COL4A2: variants seen among roughly 807,000 people sequenced by gnomAD.
The protein encoded by COL4A2 is collagen alpha-2(IV) chain.
In COL4A2, 99 loss-of-function variants were observed where a neutral mutation model predicts 200.2. That is an observed-to-expected ratio of 0.49 (90% confidence interval 0.42 to 0.58). The LOEUF (loss-of-function observed/expected upper bound fraction) is 0.58. COL4A2 is among the 20% of genes least tolerant of loss of function. The pLI is 0.00. For synonymous variants in COL4A2, 897 were observed against 900.6 expected (o/e 1.00, Z 0.07); for missense variants, 1,950 against 2,314.1 (o/e 0.84, Z 3.23).
intron 43 of COL4A2, 105 bp downstream of exon 43, chr13:110,503,586 C>A: frequency 1.3e-6 from 1 of 759,764 alleles, no homozygotes; most frequent in South Asian, 1.8e-5. Flanking sequence ...TGGCATGGGT[C>A]ACATGTTGTA....
intron 4 of COL4A2, among the ~76,000 whole-genome samples, chr13:110,397,035 C>T (rs1311271252): frequency 2.6e-5 from 4 of 152,210 alleles, no homozygotes; most frequent in Admixed American, 2.6e-4. Flanking sequence ...GGAGTTTATT[C>T]ACAGCCTGCT....
At chr13:110,405,627 G>A (rs1449885348) in intron 4 of COL4A2, among the ~76,000 whole-genome samples, 4 of 152,252 alleles carry the variant, frequency 2.6e-5, no homozygotes, top group African/African-American at 9.6e-5. Flanking sequence ...CAGCTCTGTG[G>A]AGGTGAATGT....
At chr13:110,313,047 A>C (rs1885029537) in intron 3 of COL4A2, among the ~76,000 whole-genome samples, 1 of 152,182 alleles carries the variant, frequency 6.6e-6, no homozygotes, top group African/African-American at 2.4e-5. Flanking sequence ...AAGCTCCAGA[A>C]TAGAATCTAT....
intron 4 of COL4A2, among the ~76,000 whole-genome samples, chr13:110,367,843 G>A (rs1200614186): frequency 6.6e-6 from 1 of 150,980 alleles, no homozygotes; most frequent in Non-Finnish European, 1.5e-5. Context: ...TCAGGCAGCT[G>A]GGATATGCCA....
intron 4 of COL4A2, among the ~76,000 whole-genome samples, chr13:110,408,710 G>A: frequency 6.6e-6 from 1 of 152,112 alleles, no homozygotes. Context: ...GCTCCTGCCT[G>A]GTGGAACAGC....
chr13:110,387,163 C>T (rs1159352531), intron 4 of COL4A2, among the ~76,000 whole-genome samples: 4 of 151,876 alleles, frequency 2.6e-5, no homozygotes, highest in African/African-American at 9.7e-5. Flanking sequence ...CATTTGAACC[C>T]GGGAGGTGGA....
intron 3 of COL4A2, among the ~76,000 whole-genome samples, chr13:110,320,496 A>G (rs971897225): frequency 6.6e-6 from 1 of 152,174 alleles, no homozygotes; most frequent in Middle Eastern, 3.2e-3. Context: ...ATTTTTTTTT[A>G]ATCCAAGAAT....
intron 21 of COL4A2, 26 bp from the exon 22 acceptor site, chr13:110,458,745 G>T: frequency 1.2e-6 from 2 of 1,613,520 alleles, no homozygotes; most frequent in Non-Finnish European, 1.7e-6. Context: ...GCGGAACAAG[G>T]AGGCCCTCCT....
chr13:110,465,506 C>T lies in COL4A2; in HGVS notation c.1878C>T (p.Pro626=), dbSNP rs763465240. The T allele has an allele frequency of 1.7e-5, 27 of 1,613,878 alleles. No individual in the cohort carries two copies. Among genetic ancestry groups the T allele is most frequent in the African/African-American group, 2.7e-5 (2 of 74,918 alleles). ...TGGGCCCCCCAGGACTGGGCCTTCC[C>T]GGCCTCAAAGGCCAACGTGGTTTCC... ...GEMGPPGLGL[P]GLKGQRGFPG... is the part of the protein sequence containing the mutation. The change falls in exon 25 of 48, where the codon CCC becomes CCT. Residue 626 remains proline, a synonymous_variant. Coordinates refer to ENST00000360467, the MANE Select transcript of COL4A2 (RefSeq NM_001846.4).
At chr13:110,313,357 A>T (rs937819249) in intron 3 of COL4A2, among the ~76,000 whole-genome samples, 1 of 152,196 alleles carries the variant, frequency 6.6e-6, no homozygotes. Flanking sequence ...AGAAGGCGGC[A>T]TCTAATTCTA....
intron 4 of COL4A2, among the ~76,000 whole-genome samples, chr13:110,378,529 G>T (rs760924074): frequency 6.6e-6 from 1 of 152,150 alleles, no homozygotes; most frequent in African/African-American, 2.4e-5. Flanking sequence ...AAAGATTCTG[G>T]AATTACAGCC....
intron 29 of COL4A2, among the ~76,000 whole-genome samples, chr13:110,475,712 C>T (rs1431707077): frequency 2.0e-5 from 3 of 152,214 alleles, no homozygotes; most frequent in Admixed American, 2.0e-4. Context: ...TGCAGCGGGT[C>T]CTGCTTCCAT....
At chr13:110,421,395 C>T (rs1414651445) in intron 4 of COL4A2, among the ~76,000 whole-genome samples, 1 of 152,184 alleles carries the variant, frequency 6.6e-6, no homozygotes, top group African/African-American at 2.4e-5. Context: ...GTGGTCTATC[C>T]GTACAGTGGA....
At position 110,478,144 on chromosome 13, in the gene COL4A2, C is replaced by T; in HGVS notation, c.2567C>T (p.Pro856Leu). 2 of 1,595,210 alleles carry T rather than the reference C, an allele frequency of 1.3e-6. No individual in the cohort carries two copies. The highest frequency in any genetic ancestry group is 1.1e-5 in the South Asian group (1 of 88,784). Residue 856 changes from proline to leucine, a missense_variant, in exon 30 of 48, where the codon CCA becomes CTA. By Grantham distance (98) the Pro-to-Leu change is moderately conservative (BLOSUM62 -3). Transcript: ENST00000360467. ...APGQEGPLGLPGIPGREGLPG... is the reference protein window; with the variant it reads ...APGQEGPLGLLGIPGREGLPG... ...GGCCAAGAGGGGCCCTTGGGGCTGC[C>T]AGGAATCCCAGGCCGTGAAGGTAAG...
chr13:110,469,317 A>AC lies in COL4A2; in HGVS notation c.2201dup (p.Gly735ArgfsTer62). The AC allele has an allele frequency of 1.3e-6, 2 of 1,580,340 alleles. No individual in the cohort carries two copies. The highest frequency in any genetic ancestry group is 1.7e-6 in the Non-Finnish European group (2 of 1,163,024). ...ACGCAGGTCGTGAAGGGTTCCCAGG[A>AC]CCCCCAGGTGAGTTGAGATCAGACC... On this transcript the variant is annotated frameshift_variant, in exon 28 of 48. Coordinates refer to ENST00000360467, the MANE Select transcript of COL4A2 (RefSeq NM_001846.4). LOFTEE classifies it high-confidence loss of function.
chr13:110,363,107 C>T (rs997406263), intron 4 of COL4A2, among the ~76,000 whole-genome samples: 1 of 152,030 alleles, frequency 6.6e-6, no homozygotes, highest in Admixed American at 6.6e-5. Context: ...TCAAATGGCC[C>T]TGTCACACGA....
chr13:110,318,949 C>G (rs147128880), intron 3 of COL4A2, among the ~76,000 whole-genome samples: 1 of 152,026 alleles, frequency 6.6e-6, no homozygotes, highest in Non-Finnish European at 1.5e-5. Flanking sequence ...GGGGTTGTGT[C>G]TGCAGGATTC....
At chr13:110,380,613 C>T (rs1162811381) in intron 4 of COL4A2, among the ~76,000 whole-genome samples, 2 of 152,140 alleles carry the variant, frequency 1.3e-5, no homozygotes, top group African/African-American at 2.4e-5. Context: ...GGAGGCTCAT[C>T]GAACACCCAC....
chr13:110,503,018 C>A, intron 41 of COL4A2, 103 bp from the exon 42 acceptor site: 1 of 1,069,420 alleles, frequency 9.4e-7, no homozygotes, highest in Non-Finnish European at 1.4e-6. Context: ...ATGCCACAGA[C>A]TTGCCAGAGA....
Sources: gnomAD v4.1 joint callset for allele counts (sites outside exome capture counted in the v4.1 genomes callset) on GRCh38, gnomAD v4.1.1 for gene constraint, MANE v1.5 for transcripts, NCBI Gene and HGNC (gene_info 2026-07-23, HGNC 2026-07-21) for gene names.